Variants in CCDC171 observed in about 807,000 individuals in gnomAD.
The protein encoded by CCDC171 is coiled-coil domain containing 171.
Under a neutral mutation model 168.2 loss-of-function variants are expected in CCDC171, and 177 were observed. That is an observed-to-expected ratio of 1.05 (90% CI 0.93 to 1.19). The LOEUF (loss-of-function observed/expected upper bound fraction) is 1.19. CCDC171 is among the 50% of genes most tolerant of loss of function. CCDC171 has a pLI of 0.00. For missense variants in CCDC171, 1,991 were observed against 1,539.0 expected (o/e 1.29, Z -4.91); for synonymous variants, 687 against 540.8 (o/e 1.27, Z -3.75).
rs992085023 is a variant in CCDC171 at position 15,723,689 on chromosome 9, A to G, written c.1434A>G (p.Ala478=). Reference sequence around the variant, plus strand: ...GCATGAATGATGTTAAGGAAAAGGCATGTAATGAACTTGATTCTACGAAAC... The same window carrying G: ...GCATGAATGATGTTAAGGAAAAGGCGTGTAATGAACTTGATTCTACGAAAC... ...KLEDASNEEK[A]CNELDSTKQK... The change falls in exon 13 of 26, where the codon GCA becomes GCG. Residue 478 remains alanine (A), a synonymous_variant. Transcript: ENST00000380701. 4 of 1,594,172 alleles carry G rather than the reference A, an allele frequency of 2.5e-6. No homozygotes were observed. The highest frequency in any genetic ancestry group is 2.7e-5 in the African/African-American group (2 of 74,114).
intron 24 of CCDC171, among the ~76,000 whole-genome samples, chr9:15,885,114 AC>A (rs1308504931): frequency 6.6e-6 from 1 of 152,154 alleles, no homozygotes; most frequent in Non-Finnish European, 1.5e-5. Context: ...ACATTTTGTC[AC>A]CTTTTCATCA....
At chr9:15,849,341 A>G (rs186965886) in intron 23 of CCDC171, among the ~76,000 whole-genome samples, 2 of 150,996 alleles carry the variant, frequency 1.3e-5, no homozygotes, top group Admixed American at 1.3e-4. Context: ...AGAAATATAT[A>G]TTTTATTTAG....
chr9:15,953,253 C>T (rs1829413938), intron 25 of CCDC171, among the ~76,000 whole-genome samples: 1 of 152,130 alleles, frequency 6.6e-6, no homozygotes, highest in African/African-American at 2.4e-5. Context: ...TTGCCTTGTT[C>T]CTGATCATAA....
intron 1 of CCDC171, among the ~76,000 whole-genome samples, chr9:16,046,018 C>A (rs1833654037): frequency 1.3e-5 from 2 of 152,162 alleles, no homozygotes. Flanking sequence ...CTCAAATCAG[C>A]CCTGTGACAG....
At chr9:16,009,740 G>C (rs1314713904) in intron 3 of CCDC171, among the ~76,000 whole-genome samples, 1 of 152,070 alleles carries the variant, frequency 6.6e-6, no homozygotes, top group Non-Finnish European at 1.5e-5. Flanking sequence ...TTAAAATCTA[G>C]ATAAACTTCT....
the CCDC171 span, among the ~76,000 whole-genome samples, chr9:16,101,340 T>C: frequency 6.6e-6 from 1 of 152,206 alleles, no homozygotes; most frequent in South Asian, 2.1e-4. Context: ...AAATGTATTG[T>C]TTATCTGAAT....
chr9:15,717,734 C>T (rs1486895714), intron 11 of CCDC171, among the ~76,000 whole-genome samples: 1 of 152,148 alleles, frequency 6.6e-6, no homozygotes, highest in East Asian at 1.9e-4. Flanking sequence ...CACCCTTGGC[C>T]AGAAGGGAAT....
chr9:15,666,209 G>A lies in CCDC171; in HGVS notation c.962G>A (p.Ser321Asn). The change falls in exon 9 of 26, where the codon AGT (serine) becomes AAT (asparagine). Residue 321 changes from serine to asparagine, a missense_variant. Ser to Asn is a conservative substitution (Grantham distance 46). Transcript: ENST00000380701. ...GGAGCTTTGCAAGTAGAGAAGGCCA[G>A]TCAAGCAGAAGCTGTTGCTGATTTG... The part of the protein sequence containing the change: ...LEGALQVEKA[S>N]QAEAVADLEI... 15 of 1,613,900 alleles carry A rather than the reference G, an allele frequency of 9.3e-6. No homozygotes were observed. The highest frequency in any genetic ancestry group is 1.2e-5 in the Non-Finnish European group (14 of 1,179,900).
chr9:15,968,071 T>G (rs1035290527), intron 25 of CCDC171, among the ~76,000 whole-genome samples: 7 of 152,228 alleles, frequency 4.6e-5, no homozygotes, highest in East Asian at 3.8e-4. Context: ...TTTTAAAATG[T>G]AGAAATTTAG....
intron 25 of CCDC171, among the ~76,000 whole-genome samples, chr9:15,940,860 A>G (rs948198645): frequency 1.3e-5 from 2 of 151,902 alleles, no homozygotes; most frequent in Non-Finnish European, 2.9e-5. Context: ...CTATCTCACT[A>G]GGTTCAAAAA....
intron 23 of CCDC171, among the ~76,000 whole-genome samples, chr9:15,857,409 T>C (rs1194194244): frequency 1.3e-5 from 2 of 152,020 alleles, no homozygotes; most frequent in African/African-American, 2.4e-5. Context: ...TTTTTTAATA[T>C]GGTGTAAGGT....
chr9:15,657,093 T>A, intron 7 of CCDC171, 34 bp from the exon 8 acceptor site: 1 of 1,246,224 alleles, frequency 8.0e-7, no homozygotes, highest in Non-Finnish European at 1.2e-6. Flanking sequence ...TAAATACCAA[T>A]GTTTATGAAT....
At chr9:15,745,159 G>T (rs1252539715) in intron 17 of CCDC171, among the ~76,000 whole-genome samples, 3 of 152,128 alleles carry the variant, frequency 2.0e-5, no homozygotes, top group African/African-American at 7.2e-5. Context: ...TATGAAATGG[G>T]TTAAAAATAT....
intron 21 of CCDC171, among the ~76,000 whole-genome samples, chr9:15,802,412 G>A (rs115755641): frequency 6.6e-6 from 1 of 151,896 alleles, no homozygotes; most frequent in African/African-American, 2.4e-5. Context: ...CCTCCTCCCA[G>A]CCTGCATCCT....
At chr9:15,736,553 T>A (rs1489007202) in intron 16 of CCDC171, among the ~76,000 whole-genome samples, 2 of 152,182 alleles carry the variant, frequency 1.3e-5, no homozygotes, top group African/African-American at 4.8e-5. Context: ...GGTTTCGCCC[T>A]GTTGTCCAGG....
chr9:15,954,307 A>G (rs1030884481), intron 25 of CCDC171, among the ~76,000 whole-genome samples: 1 of 151,962 alleles, frequency 6.6e-6, no homozygotes, highest in Non-Finnish European at 1.5e-5. Flanking sequence ...TAATGTAAGC[A>G]TTTATAGCTA....
intron 10 of CCDC171, among the ~76,000 whole-genome samples, chr9:15,687,310 C>A (rs1307255203): frequency 1.3e-5 from 2 of 151,826 alleles, no homozygotes; most frequent in Non-Finnish European, 2.9e-5. Flanking sequence ...AAAAAAAATA[C>A]TGGGGCATGG....
intron 4 of CCDC171, among the ~76,000 whole-genome samples, chr9:15,590,340 CAT>C (rs924427158): frequency 1.6e-4 from 24 of 152,298 alleles, no homozygotes; most frequent in African/African-American, 3.8e-4. Flanking sequence ...CATCTTTTAA[CAT>C]GTGTTTTTAT....
chr9:15,595,563 G>C (rs1031875528), intron 6 of CCDC171, among the ~76,000 whole-genome samples: 1 of 152,144 alleles, frequency 6.6e-6, no homozygotes, highest in African/African-American at 2.4e-5. Flanking sequence ...GGACATTTGG[G>C]TTGGTTCCAA....
Sources: gnomAD v4.1 joint callset for allele counts (sites outside exome capture counted in the v4.1 genomes callset) on GRCh38, gnomAD v4.1.1 for gene constraint, MANE v1.5 for transcripts, NCBI Gene and HGNC (gene_info 2026-07-23, HGNC 2026-07-21) for gene names.